UBR4: variants seen among roughly 807,000 people sequenced by gnomAD.
UBR4 encodes the protein ubiquitin protein ligase E3 component n-recognin 4, also known as E3 ubiquitin-protein ligase UBR4.
Under a neutral mutation model 575.6 loss-of-function variants are expected in UBR4, and 124 were observed. That is an observed-to-expected ratio of 0.22 (90% CI 0.19 to 0.25). UBR4 has a LOEUF of 0.25. Among genes scored for constraint, UBR4 ranks in the 10% least tolerant of loss-of-function variants. The pLI is 1.00. For missense variants in UBR4, 4,818 were observed against 6,478.8 expected, an observed-to-expected ratio of 0.74 and a Z score of 8.80; for synonymous variants, 2,455 against 2,473.7, an observed-to-expected ratio of 0.99 and a Z score of 0.22.
intron 15 of UBR4, 104 bp downstream of exon 15, chr1:19,184,995 T>C: frequency 7.1e-7 from 1 of 1,399,538 alleles, no homozygotes; most frequent in Non-Finnish European, 1.0e-6. Flanking sequence ...TCTTTAAACA[T>C]TACAGTTATC....
Position 19,117,724 on chromosome 1 carries a change from T to C in UBR4, c.10629+99A>G. On this transcript the variant is annotated intron_variant, in intron 72 of 105. Coordinates refer to ENST00000375254, the MANE Select transcript of UBR4 (RefSeq NM_020765.3). This position sits in a 1 kb window ranked among gnomAD's most constrained non-coding sequence, Gnocchi z 4.0. ...ATTCCTACTATCGGTGACCAACCAT[T>C]AGGAGAGGAACATCTATGTGATAAT... 1 of 1,204,844 alleles carries C rather than the reference T, an allele frequency of 8.3e-7. No individual in the cohort carries two copies. Among genetic ancestry groups the C allele is most frequent in the Non-Finnish European group, 1.2e-6 (1 of 825,100 alleles). The allele number at this position is 1,204,844 out of a possible 1,614,324, so 74.6% of individuals were successfully genotyped here.
Position 19,164,789 on chromosome 1 carries a change from G to A in UBR4, c.4511+10C>T. 6.2e-7 allele frequency: 1 copy of A among 1,612,634 alleles called. No individual in the cohort carries two copies. The highest frequency in any genetic ancestry group is 1.1e-5 in the South Asian group (1 of 91,078). ...GCTAGGGAAACACGACAGAAATGTA[G>A]TTGTTCTACCTGTTTTCCCGAACAA... On this transcript the variant is annotated intron_variant, in intron 32 of 105. Coordinates refer to ENST00000375254, the MANE Select transcript of UBR4 (RefSeq NM_020765.3).
At chr1:19,115,215 ACACACACT>A (rs1159774895) in intron 74 of UBR4, among the ~76,000 whole-genome samples, 175 bp downstream of exon 74, 16 of 147,694 alleles carry the variant, frequency 1.1e-4, no homozygotes, top group African/African-American at 3.9e-4. Flanking sequence ...ACACACACAC[ACACACACT>A]CACTCACTCT....
intron 17 of UBR4, among the ~76,000 whole-genome samples, chr1:19,180,733 G>A (rs1184427932): frequency 2.0e-5 from 3 of 151,612 alleles, no homozygotes; most frequent in African/African-American, 7.3e-5. Context: ...TTTCATCTTT[G>A]TGTCAGTTTT....
chr1:19,155,207 A>G, intron 43 of UBR4, 132 bp from the exon 44 acceptor site: 1 of 1,312,568 alleles, frequency 7.6e-7, no homozygotes, highest in South Asian at 1.4e-5. Flanking sequence ...CTGTGGGTAA[A>G]TCTTACAAAG....
chr1:19,163,213 A>G (rs2087690614), intron 34 of UBR4, among the ~76,000 whole-genome samples: 2 of 152,334 alleles, frequency 1.3e-5, no homozygotes, highest in African/African-American at 4.8e-5. Context: ...AGGAGGGAGT[A>G]ATGAATGGTA....
Position 19,176,735 on chromosome 1 carries a change from AAC to A in UBR4, c.2638-10_2638-9del. ...TAGCAGGTTATGCTGTACCTTTTAA[AAC>A]ACAAATACTGAAATTAAGAAAGATA... On this transcript the variant is annotated splice_polypyrimidine_tract_variant and intron_variant, in intron 19 of 105. Coordinates refer to ENST00000375254, the MANE Select transcript of UBR4 (RefSeq NM_020765.3). The A allele has an allele frequency of 6.2e-7, 1 of 1,612,558 alleles. No individual in the cohort carries two copies. The highest frequency in any genetic ancestry group is 8.5e-7 in the Non-Finnish European group (1 of 1,179,170).
Position 19,110,233 on chromosome 1 carries a change from G to A in UBR4, c.11978-10C>T, listed in dbSNP as rs760675213. 1.9e-6 allele frequency: 3 copies of A among 1,614,216 alleles called. No individual in the cohort carries two copies. The highest frequency in any genetic ancestry group is 2.5e-6 in the Non-Finnish European group (3 of 1,180,034). ...AGGAAAAGGCTGAGAGCTAGGGATG[G>A]TCAGGAAAGGCAGAGTCACAATCAG... On this transcript the variant is annotated splice_polypyrimidine_tract_variant and intron_variant, in intron 80 of 105. Transcript: ENST00000375254. This position sits in a 1 kb window ranked among gnomAD's most constrained non-coding sequence, Gnocchi z 4.5.
rs1161338384 is a variant in UBR4, at chr1:19,146,865, C to A, written c.7765G>T (p.Val2589Phe). The change falls in exon 52 of 106, where the codon GTC becomes TTC. Residue 2589 changes from valine to phenylalanine, a missense_variant. Around this residue, in one of 29 missense-constraint regions of UBR4, gnomAD observed 340 missense variants for 375.4 expected, o/e 0.91. Transcript: ENST00000375254. ...GGCAGCTTTGACTCCGTAAAGTGGA[C>A]AAGGTTGTTGGGGCGCATGATGGCA... is the stretch of plus-strand genomic sequence containing the variant. ...SIAIMRPNNLVHFTESKLPQM... is the reference protein window; with the variant it reads ...SIAIMRPNNLFHFTESKLPQM... 1 of 1,613,912 alleles carries A rather than the reference C, an allele frequency of 6.2e-7. No homozygotes were observed. Among genetic ancestry groups the A allele is most frequent in the Admixed American group, 1.7e-5 (1 of 59,982 alleles).
At position 19,164,425 on chromosome 1, in the gene UBR4, C is replaced by T; in HGVS notation, c.4528G>A (p.Val1510Met). ...AGGGTGCCCAGAAGAACAGCACACA[C>T]ACCTTCCCCAACTTGGCTAGGAGAA... Reference protein sequence around the residue: ...VRENSQVGEGVCAVLLGTLTP... With the variant: ...VRENSQVGEGMCAVLLGTLTP... Residue 1510 changes from valine (V) to methionine (M), a missense_variant, in exon 33 of 106, where the codon GTG becomes ATG. By Grantham distance (21) the Val-to-Met change is conservative. Transcript: ENST00000375254. The T allele has an allele frequency of 1.2e-6, 2 of 1,613,778 alleles. No individual in the cohort carries two copies. Among genetic ancestry groups the T allele is most frequent in the Non-Finnish European group, 1.7e-6 (2 of 1,179,864 alleles).
In UBR4 at chr1:19,089,049, G is replaced by T; in HGVS notation, c.14212-72C>A. 6.7e-7 allele frequency: 1 copy of T among 1,496,606 alleles called. No individual in the cohort carries two copies. The highest frequency in any genetic ancestry group is 9.1e-7 in the Non-Finnish European group (1 of 1,095,362). 92.7% of individuals were successfully genotyped at this position (1,496,606 alleles called of 1,614,324 possible). A position where few individuals can be genotyped will look rare whatever the true frequency, so the allele number is the denominator to read the frequency against. On this transcript the variant is annotated intron_variant, in intron 97 of 105. Transcript: ENST00000375254. The surrounding 1 kb of genome is among the most constrained non-coding windows in gnomAD (Gnocchi z 4.3). The stretch of plus-strand genomic sequence containing the variant: ...AAACCTTCTTCCCGGGAGCTTAAAG[G>T]TTTAGAAACTCAACCAGCATGCACC...
At chr1:19,076,642 T>A in intron 105 of UBR4, 98 bp downstream of exon 105, 1 of 1,539,784 alleles carries the variant, frequency 6.5e-7, no homozygotes, top group Non-Finnish European at 8.9e-7. Context: ...CATACTGCGT[T>A]TCCTCTGGTC....
In UBR4 at chr1:19,088,023, C is replaced by T; in HGVS notation, c.14431-94G>A. 1.1e-6 allele frequency: 1 copy of T among 950,310 alleles called. No homozygotes were observed. Among genetic ancestry groups the T allele is most frequent in the Non-Finnish European group, 1.6e-6 (1 of 608,024 alleles). The allele number at this position is 950,310 out of a possible 1,614,324, so 58.9% of individuals were successfully genotyped here. A position where few individuals can be genotyped will look rare whatever the true frequency, so the allele number is the denominator to read the frequency against. ...GCTCAGGAACAGGGCTAACCTTCTA[C>T]CTCCACTAAAAGGACAGGTGCATGA... On this transcript the variant is annotated intron_variant, in intron 98 of 105. Coordinates refer to ENST00000375254, the MANE Select transcript of UBR4 (RefSeq NM_020765.3). This position sits in a 1 kb window ranked among gnomAD's most constrained non-coding sequence, Gnocchi z 4.0.
At chr1:19,131,385 T>A (rs188462389) in intron 60 of UBR4, among the ~76,000 whole-genome samples, 11 of 152,072 alleles carry the variant, frequency 7.2e-5, no homozygotes, top group Admixed American at 2.0e-4. Flanking sequence ...AAAACCAAAA[T>A]TTTTAAAAAT....
intron 60 of UBR4, among the ~76,000 whole-genome samples, chr1:19,129,564 A>G (rs2082193522): frequency 6.6e-6 from 1 of 152,156 alleles, no homozygotes; most frequent in African/African-American, 2.4e-5. Context: ...AAGTCCAGTC[A>G]CTGCTCTACT....
chr1:19,197,394 C>T, intron 7 of UBR4, 129 bp from the exon 8 acceptor site: 1 of 1,347,694 alleles, frequency 7.4e-7, no homozygotes, highest in Admixed American at 2.2e-5. Flanking sequence ...TTCAGGAGGC[C>T]AAGGCAGGAG....
rs533382167 is a variant in UBR4, at chr1:19,162,586, C to A, written c.4790G>T (p.Cys1597Phe). The A allele has an allele frequency of 1.9e-6, 3 of 1,613,866 alleles. No homozygotes were observed. In the South Asian group the frequency reaches 3.3e-5, roughly 18 times the overall value. ...GKHVMILECTCHIMSYLADVT... is the reference protein window; with the variant it reads ...GKHVMILECTFHIMSYLADVT... ...ATCAGCCAAGTAAGACATGATATGG[C>A]ATGTGCACTCCAAGATCATCACATG... The change falls in exon 35 of 106, where the codon TGC becomes TTC. Residue 1597 changes from cysteine (C) to phenylalanine (F), a missense_variant. Cys to Phe is a radical substitution (Grantham distance 205). Coordinates refer to ENST00000375254, the MANE Select transcript of UBR4 (RefSeq NM_020765.3).
intron 68 of UBR4, among the ~76,000 whole-genome samples, chr1:19,120,707 A>C (rs2081078138): frequency 6.6e-6 from 1 of 152,032 alleles, no homozygotes; most frequent in Non-Finnish European, 1.5e-5. Flanking sequence ...ATAGGCCTAC[A>C]CAGAGATGTC....
chr1:19,128,859 C>G (rs2082106584), intron 61 of UBR4, 119 bp downstream of exon 61: 2 of 826,366 alleles, frequency 2.4e-6, no homozygotes, highest in South Asian at 3.3e-5. Flanking sequence ...AATTAGATTT[C>G]ATTATTCTGT....
Sources: allele counts gnomAD v4.1 joint callset (sites outside exome capture counted in the v4.1 genomes callset), GRCh38; gene constraint gnomAD v4.1.1; regional missense constraint gnomAD v4.1.1; non-coding constraint Gnocchi (gnomAD v3.1); transcripts MANE v1.5; gene names NCBI Gene and HGNC (gene_info 2026-07-23, HGNC 2026-07-21).